Variants in HMCN1 observed in about 807,000 individuals in gnomAD.
HMCN1 encodes the protein hemicentin-1.
Under a neutral mutation model 625.9 loss-of-function variants are expected in HMCN1, and 321 were observed. That is an observed-to-expected ratio of 0.51 (90% CI 0.47 to 0.56). HMCN1 has a LOEUF of 0.56. Ranked by LOEUF, HMCN1 falls within the 20% of genes least tolerant of loss-of-function variation. The probability of loss-of-function intolerance (pLI) is 0.00; values close to 1 mark genes in which losing one functional copy is unlikely to be tolerated. For synonymous variants in HMCN1, 2,425 were observed against 2,417.6 expected (o/e 1.00, Z -0.09); for missense variants, 6,588 against 6,887.3 (o/e 0.96, Z 1.54).
intron 14 of HMCN1, among the ~76,000 whole-genome samples, chr1:185,969,407 A>G (rs1448223356): frequency 6.6e-6 from 1 of 152,166 alleles, no homozygotes; most frequent in Non-Finnish European, 1.5e-5. Context: ...TGAAAATTAT[A>G]TAAGCAGAAA....
At position 186,010,872 on chromosome 1, in the gene HMCN1, T is replaced by C. The variant is rs370945749; in HGVS notation, c.4630+3590T>C. On this transcript the variant is annotated intron_variant, in intron 30 of 106. Transcript: ENST00000271588. ...AAGAAAGAAACAAATTTCTACAAAA[T>C]TGTTTGTTTGTGAAATTCCATTTAT... Among the ~76,000 whole-genome samples, 21 of 152,186 alleles carry C rather than the reference T, an allele frequency of 1.4e-4. No individual in the cohort carries two copies. The East Asian group carries it at 4.0e-3, about 29-fold the overall frequency.
At chr1:186,072,499 T>A (rs61831263) in intron 52 of HMCN1, among the ~76,000 whole-genome samples, 4,928 of 152,250 alleles carry the variant, frequency 0.032, 129 homozygotes, top group South Asian at 0.057. Flanking sequence ...TTTCTACTCA[T>A]GTGAAGTTTA....
rs746390983 is a variant in HMCN1, at chr1:186,114,079, A to G, written c.11232A>G (p.Ile3744Met). The G allele has an allele frequency of 1.2e-6, 2 of 1,614,090 alleles. No individual in the cohort carries two copies. The highest frequency in any genetic ancestry group is 2.2e-5 in the East Asian group (1 of 44,876). The change falls in exon 73 of 107, where the codon ATA becomes ATG. Residue 3744 changes from isoleucine (I) to methionine (M), a missense_variant. By Grantham distance (10) the Ile-to-Met change is conservative. This residue lies in a region of HMCN1 where 4,628 missense variants were observed against 4,853.1 expected (regional missense o/e 0.95). Coordinates refer to ENST00000271588, the MANE Select transcript of HMCN1 (RefSeq NM_031935.3). ...CTGAAGGTGTGCCAACTCCAAGGAT[A>G]ACATGGAGAAAGGATGGAGCTGTTC... is the stretch of plus-strand genomic sequence containing the variant. ...CIAEGVPTPRITWRKDGAVLA... is the reference protein window; with the variant it reads ...CIAEGVPTPRMTWRKDGAVLA...
At chr1:186,109,195 T>C (rs1660762916) in intron 71 of HMCN1, among the ~76,000 whole-genome samples, 1 of 152,206 alleles carries the variant, frequency 6.6e-6, no homozygotes, top group Non-Finnish European at 1.5e-5. Context: ...TTATCCTCAT[T>C]ATTTTTTTCT....
chr1:185,871,479 A>G (rs1434928903), intron 4 of HMCN1, among the ~76,000 whole-genome samples: 23 of 152,188 alleles, frequency 1.5e-4, no homozygotes, highest in Admixed American at 1.5e-3. Flanking sequence ...TTGGGTTTAG[A>G]ACATATCGAT....
At chr1:186,165,949 C>G (rs6680616) in intron 98 of HMCN1, among the ~76,000 whole-genome samples, 38,334 of 152,070 alleles carry the variant, frequency 0.25, 5,043 homozygotes, top group Middle Eastern at 0.33. Context: ...TATATTTTAG[C>G]TATTATCATT....
chr1:186,152,333 A>G (rs1650726165), intron 95 of HMCN1, among the ~76,000 whole-genome samples: 1 of 152,162 alleles, frequency 6.6e-6, no homozygotes, highest in South Asian at 2.1e-4. Context: ...ATCAACATTT[A>G]ATCAGTGGAG....
intron 1 of HMCN1, among the ~76,000 whole-genome samples, chr1:185,816,310 G>A (rs1360936145): frequency 1.3e-5 from 2 of 152,144 alleles, no homozygotes; most frequent in Admixed American, 6.6e-5. Context: ...AGCAGTCACT[G>A]GGTGTTGAAG....
chr1:186,130,645 G>T lies in HMCN1; in HGVS notation c.13178G>T (p.Ser4393Ile). 6.2e-7 allele frequency: 1 copy of T among 1,613,484 alleles called. No homozygotes were observed. Among genetic ancestry groups the T allele is most frequent in the South Asian group, 1.1e-5 (1 of 91,074 alleles). Reference sequence around the variant, plus strand: ...AGAAAGGGAGTGGATATTGAAATTAGCCACAGAATCCGGCAACTGGGCAAT... The same window carrying T: ...AGAAAGGGAGTGGATATTGAAATTATCCACAGAATCCGGCAACTGGGCAAT... Reference protein sequence around the residue: ...WNRKGVDIEISHRIRQLGNGS... With the variant: ...WNRKGVDIEIIHRIRQLGNGS... The change falls in exon 85 of 107, where the codon AGC becomes ATC. Residue 4393 changes from serine (S) to isoleucine (I), a missense_variant. By Grantham distance (142) the Ser-to-Ile change is moderately radical (BLOSUM62 -2). This residue lies in a region of HMCN1 where 1,954 missense variants were observed against 2,013.1 expected (regional missense o/e 0.97). Transcript: ENST00000271588.
chr1:186,076,877 T>C (rs1018413339), intron 54 of HMCN1, among the ~76,000 whole-genome samples: 1 of 152,196 alleles, frequency 6.6e-6, no homozygotes, highest in Non-Finnish European at 1.5e-5. Flanking sequence ...TCCTTTGGCT[T>C]CCTTGTGCCT....
rs116811838 is a variant in HMCN1, at chr1:185,946,139, C to T, written c.1828+12315C>T. 3.7e-3 allele frequency among the ~76,000 whole-genome samples: 563 copies of T among 152,300 alleles called. 3 individuals are homozygous for T. Among genetic ancestry groups the T allele is most frequent in the African/African-American group, 0.013 (543 of 41,574 alleles). Reference sequence around the variant, plus strand: ...AGATTGTGAACCTCAGACTGAACTTCCAAGGCAAGCGTTCTTCCAGCTACA... The same window carrying T: ...AGATTGTGAACCTCAGACTGAACTTTCAAGGCAAGCGTTCTTCCAGCTACA... On this transcript the variant is annotated intron_variant, in intron 11 of 106. Transcript: ENST00000271588.
At chr1:185,992,852 G>A (rs1222992365) in intron 22 of HMCN1, among the ~76,000 whole-genome samples, 1 of 151,856 alleles carries the variant, frequency 6.6e-6, no homozygotes, top group Admixed American at 6.6e-5. Context: ...CTTTAACATT[G>A]TAGAAAATAA....
intron 40 of HMCN1, among the ~76,000 whole-genome samples, chr1:186,044,321 T>C (rs918859816): frequency 5.9e-5 from 9 of 152,150 alleles, no homozygotes; most frequent in Admixed American, 2.6e-4. Flanking sequence ...AAATGCTCCA[T>C]TGGTCAATCT....
intron 14 of HMCN1, among the ~76,000 whole-genome samples, chr1:185,967,506 G>A (rs1650494827): frequency 6.6e-6 from 1 of 152,118 alleles, no homozygotes; most frequent in African/African-American, 2.4e-5. Flanking sequence ...ATTGTAAGAT[G>A]TGTTCCCTGG....
intron 1 of HMCN1, among the ~76,000 whole-genome samples, chr1:185,740,322 C>G (rs1299083012): frequency 6.6e-6 from 1 of 152,142 alleles, no homozygotes; most frequent in African/African-American, 2.4e-5. Flanking sequence ...GACAAAAGAA[C>G]ATGGTATATC....
chr1:185,816,466 T>A (rs1027174114), intron 1 of HMCN1, among the ~76,000 whole-genome samples: 1 of 152,326 alleles, frequency 6.6e-6, no homozygotes, highest in Non-Finnish European at 1.5e-5. Flanking sequence ...TGTATATCAA[T>A]ATATTGGATA....
intron 40 of HMCN1, 48 bp downstream of exon 40, chr1:186,041,184 G>C (rs760874020): frequency 6.5e-7 from 1 of 1,549,092 alleles, no homozygotes; most frequent in South Asian, 1.1e-5. Flanking sequence ...ATATGTTTGG[G>C]TCCTAAAATC....
intron 1 of HMCN1, among the ~76,000 whole-genome samples, chr1:185,844,914 A>G (rs1313344321): frequency 2.0e-5 from 3 of 152,246 alleles, no homozygotes; most frequent in African/African-American, 4.8e-5. Context: ...ATATATATGT[A>G]TATACAGATT....
At chr1:186,059,264 TG>T (rs1313683869) in intron 46 of HMCN1, among the ~76,000 whole-genome samples, 1 of 152,086 alleles carries the variant, frequency 6.6e-6, no homozygotes, top group Non-Finnish European at 1.5e-5. Flanking sequence ...TGTATTAAAA[TG>T]TGGTTACCAA....
Sources: allele counts gnomAD v4.1 joint callset (sites outside exome capture counted in the v4.1 genomes callset), GRCh38; gene constraint gnomAD v4.1.1; regional missense constraint gnomAD v4.1.1; transcripts MANE v1.5; gene names NCBI Gene and HGNC (gene_info 2026-07-23, HGNC 2026-07-21).